ATAD2B: variants seen among roughly 807,000 people sequenced by gnomAD.
The protein encoded by ATAD2B is ATPase family AAA domain containing 2B.
In ATAD2B, 40 loss-of-function variants were observed where a neutral mutation model predicts 167.6. That is an observed-to-expected ratio of 0.24 (90% CI 0.19 to 0.31). The LOEUF (loss-of-function observed/expected upper bound fraction) is 0.31, where lower values mean the gene tolerates loss of function less well. ATAD2B is among the 10% of genes least tolerant of loss of function. ATAD2B has a pLI of 1.00. For missense variants in ATAD2B, 1,242 were observed against 1,757.2 expected (o/e 0.71, Z 5.24); for synonymous variants, 579 against 596.5 (o/e 0.97, Z 0.43).
At chr2:23,807,961 T>TATATATAAATATATAAATATTTATA (rs1404462286) in intron 18 of ATAD2B, among the ~76,000 whole-genome samples, 54 of 92,138 alleles carry the variant, frequency 5.9e-4, no homozygotes, top group African/African-American at 1.8e-3. Context: ...ATATTTATAA[T>TATATATAAATATATAAATATTTATA]ATATATATTA....
chr2:23,813,167 A>C (rs763631081), intron 17 of ATAD2B, among the ~76,000 whole-genome samples: 3 of 151,912 alleles, frequency 2.0e-5, no homozygotes, highest in Non-Finnish European at 4.4e-5. Flanking sequence ...ATATCAAAGA[A>C]ACAGACAAAC....
At chr2:23,878,025 A>AAAAAAAGAAAAG (rs1697239737) in intron 7 of ATAD2B, among the ~76,000 whole-genome samples, 1 of 106,876 alleles carries the variant, frequency 9.4e-6, no homozygotes, top group African/African-American at 2.7e-5. Flanking sequence ...AAAAAAAAAA[A>AAAAAAAGAAAAG]AAAAAAAAAA....
intron 1 of ATAD2B, among the ~76,000 whole-genome samples, chr2:23,924,895 G>A (rs187001269): frequency 2.3e-3 from 357 of 152,148 alleles, no homozygotes; most frequent in Admixed American, 5.6e-3. Context: ...TTCCTCGGGG[G>A]GTGAGGACAG....
the ATAD2B span, chr2:23,693,439 TCCAACGACA>T: frequency 6.4e-7 from 1 of 1,551,622 alleles, no homozygotes; most frequent in Non-Finnish European, 8.7e-7. Context: ...CGCCTACGTC[TCCAACGACA>T]GCCTCAACAC....
Position 23,904,537 on chromosome 2 carries a change from C to CTTTTT in ATAD2B, c.217-8572_217-8568dup, listed in dbSNP as rs34666567. 6.9e-3 allele frequency among the ~76,000 whole-genome samples: 950 copies of CTTTTT among 137,652 alleles called. 19 individuals are homozygous for CTTTTT. The highest frequency in any genetic ancestry group is 0.024 in the African/African-American group (890 of 37,138). 90.3% of individuals were successfully genotyped at this position (137,652 alleles called of 152,430 possible). A position where few individuals can be genotyped will look rare whatever the true frequency, so the allele number is the denominator to read the frequency against. On this transcript the variant is annotated intron_variant, in intron 1 of 27. Transcript: ENST00000238789. ...GACTTGGAGGAAAGGATTTTCCTTC[C>CTTTTT]TTTTTTTTTTTTTTTTTCTTTAAGA... is the stretch of plus-strand genomic sequence containing the variant.
chr2:23,922,350 A>G (rs1389709034), intron 1 of ATAD2B, among the ~76,000 whole-genome samples: 2 of 152,072 alleles, frequency 1.3e-5, no homozygotes, highest in Non-Finnish European at 2.9e-5. Context: ...CTGATCTAAA[A>G]GGGGTCAAGC....
chr2:23,772,225 G>A (rs777537883), intron 22 of ATAD2B, among the ~76,000 whole-genome samples: 19 of 152,012 alleles, frequency 1.2e-4, no homozygotes, highest in Admixed American at 7.2e-4. Flanking sequence ...GTCTCCTGGT[G>A]TCTTTTAAAC....
chr2:23,684,551 C>T, the ATAD2B span: 6 of 1,541,920 alleles, frequency 3.9e-6, no homozygotes, highest in Non-Finnish European at 5.2e-6. The surrounding 1 kb of genome is among the most constrained non-coding windows in gnomAD (Gnocchi z 4.4). Context: ...TGCCTTCCTT[C>T]CAGCTGTGGT....
intron 22 of ATAD2B, among the ~76,000 whole-genome samples, chr2:23,780,866 TG>T (rs1377467948): frequency 3.3e-5 from 5 of 152,164 alleles, no homozygotes; most frequent in African/African-American, 1.2e-4. Context: ...ATCGCGCCAC[TG>T]CACTCCAGCC....
chr2:23,892,217 G>A (rs1699609060), intron 2 of ATAD2B, among the ~76,000 whole-genome samples: 1 of 152,172 alleles, frequency 6.6e-6, no homozygotes, highest in South Asian at 2.1e-4. Context: ...AGGCTGGAGT[G>A]CAGTGGCGCG....
At chr2:23,862,727 C>T (rs1694595877) in intron 12 of ATAD2B, among the ~76,000 whole-genome samples, 1 of 152,180 alleles carries the variant, frequency 6.6e-6, no homozygotes, top group Non-Finnish European at 1.5e-5. Context: ...GTATTTACAG[C>T]TCATGAAAAT....
At chr2:23,778,055 T>C (rs1259835979) in intron 22 of ATAD2B, among the ~76,000 whole-genome samples, 5 of 152,160 alleles carry the variant, frequency 3.3e-5, no homozygotes, top group Admixed American at 2.6e-4. Flanking sequence ...ACAACATTCA[T>C]GTAATTTCCA....
Position 23,873,407 on chromosome 2 carries a change from G to A in ATAD2B, c.977+2422C>T, listed in dbSNP as rs189165127. ...AGGGGAATGATTCCAGGACCCTTGC[G>A]AATACCAAAATTCAAGTATGCTTAA... On this transcript the variant is annotated intron_variant, in intron 8 of 27. Coordinates refer to ENST00000238789, the MANE Select transcript of ATAD2B (RefSeq NM_017552.4). Among the ~76,000 whole-genome samples the A allele has an allele frequency of 1.1e-4, 16 of 152,224 alleles. No homozygotes were observed. In the East Asian group the frequency reaches 2.1e-3, roughly 20 times the overall value.
At chr2:23,745,981 T>C (rs1674857708), downstream of ATAD2B, among the ~76,000 whole-genome samples, 1 of 152,202 alleles carries the variant, frequency 6.6e-6, no homozygotes, top group South Asian at 2.1e-4. Flanking sequence ...TGCCTGTACT[T>C]TCCCCTGCAG....
At chr2:23,716,850 G>A in the ATAD2B span, among the ~76,000 whole-genome samples, 3 of 152,136 alleles carry the variant, frequency 2.0e-5, no homozygotes, top group Non-Finnish European at 4.4e-5. Flanking sequence ...ACCTCCAACT[G>A]TGCCCTCACC....
At chr2:23,759,544 A>T (rs1199137303) in intron 24 of ATAD2B, among the ~76,000 whole-genome samples, 2 of 152,200 alleles carry the variant, frequency 1.3e-5, no homozygotes, top group Non-Finnish European at 2.9e-5. Context: ...AGAAATAGAT[A>T]AATTTAGTTA....
At chr2:23,877,256 G>A (rs914147040) in intron 7 of ATAD2B, among the ~76,000 whole-genome samples, 11 of 150,982 alleles carry the variant, frequency 7.3e-5, no homozygotes, top group Admixed American at 5.3e-4. Context: ...AGTTTGAGGC[G>A]CAGTGGATCA....
At chr2:23,830,222 G>A (rs1232818288) in intron 14 of ATAD2B, among the ~76,000 whole-genome samples, 1 of 152,098 alleles carries the variant, frequency 6.6e-6, no homozygotes, top group East Asian at 1.9e-4. Context: ...GACCTCAACT[G>A]TTCCGCCCAC....
intron 15 of ATAD2B, among the ~76,000 whole-genome samples, chr2:23,828,570 A>C (rs1688586069): frequency 6.6e-6 from 1 of 152,180 alleles, no homozygotes; most frequent in African/African-American, 2.4e-5. Context: ...TGATATTCAA[A>C]AGGAGACCCT....
Sources: gnomAD v4.1 joint callset for allele counts (sites outside exome capture counted in the v4.1 genomes callset) on GRCh38, gnomAD v4.1.1 for gene constraint, Gnocchi (gnomAD v3.1) non-coding constraint, MANE v1.5 for transcripts, NCBI Gene and HGNC (gene_info 2026-07-23, HGNC 2026-07-21) for gene names.